KPNB1: variants seen among roughly 807,000 people sequenced by gnomAD.
KPNB1 encodes karyopherin subunit beta 1.
A neutral mutation model predicts 113.0 loss-of-function variants in KPNB1; 7 were observed. That is an observed-to-expected ratio of 0.06 (90% CI 0.04 to 0.12). The LOEUF (loss-of-function observed/expected upper bound fraction) is 0.12, where lower values mean the gene tolerates loss of function less well. Among genes scored for constraint, KPNB1 ranks in the 10% least tolerant of loss-of-function variants. The probability of loss-of-function intolerance (pLI) is 1.00; values close to 1 mark genes in which losing one functional copy is unlikely to be tolerated. For missense variants in KPNB1, 400 were observed against 1,054.8 expected, an observed-to-expected ratio of 0.38 and a Z score of 8.60; for synonymous variants, 363 against 378.6, an observed-to-expected ratio of 0.96 and a Z score of 0.48.
chr17:47,667,368 C>CAG (rs2030319300), intron 9 of KPNB1, among the ~76,000 whole-genome samples: 1 of 152,036 alleles, frequency 6.6e-6, no homozygotes, highest in South Asian at 2.1e-4. Flanking sequence ...CTCAAGTGAT[C>CAG]TGCCTGCCTT....
Position 47,680,091 on chromosome 17 carries a change from G to A in KPNB1, c.2425G>A (p.Asp809Asn). ...SFIDHIAGDE[D>N]HTDGVVACAA... ...CATTGACCACATTGCTGGAGATGAG[G>A]ATCACACAGATGGAGTAGTAGCTTG... Residue 809 changes from aspartate to asparagine, a missense_variant, in exon 20 of 22, where the codon GAT becomes AAT. Physicochemically the swap from Asp to Asn is conservative, Grantham distance 23 (BLOSUM62 1). Coordinates refer to ENST00000290158, the MANE Select transcript of KPNB1 (RefSeq NM_002265.6). 6.2e-7 allele frequency: 1 copy of A among 1,613,840 alleles called. No homozygotes were observed. Among genetic ancestry groups the A allele is most frequent in the Non-Finnish European group, 8.5e-7 (1 of 1,179,694 alleles).
At chr17:47,663,649 G>A (rs1418144398) in intron 7 of KPNB1, among the ~76,000 whole-genome samples, 1 of 152,004 alleles carries the variant, frequency 6.6e-6, no homozygotes, top group Non-Finnish European at 1.5e-5. Context: ...GGGCCAGAAA[G>A]CGAGACTCTG....
In KPNB1 at chr17:47,664,191, T is replaced by C. The variant is rs1597929117; in HGVS notation, c.819T>C (p.Asp273=). 3.1e-6 allele frequency: 5 copies of C among 1,613,120 alleles called. No individual in the cohort carries two copies. Among genetic ancestry groups the C allele is most frequent in the African/African-American group, 1.3e-5 (1 of 74,850 alleles). ...ITIEAMKSDI[D]EVALQGIEFW... is the part of the protein sequence containing the mutation. ...TCGAAGCAATGAAAAGTGACATTGATGAGGTGGCTTTACAAGGGATAGAAT... is the reference window on the plus strand; with the variant it reads ...TCGAAGCAATGAAAAGTGACATTGACGAGGTGGCTTTACAAGGGATAGAAT... The change falls in exon 8 of 22, where the codon GAT becomes GAC. Residue 273 remains aspartate (D), a synonymous_variant. Coordinates refer to ENST00000290158, the MANE Select transcript of KPNB1 (RefSeq NM_002265.6).
chr17:47,652,633 T>C (rs1915612759), intron 2 of KPNB1, 61 bp from the exon 3 acceptor site: 1 of 1,372,844 alleles, frequency 7.3e-7, no homozygotes, highest in African/African-American at 1.5e-5. Context: ...CTCTATAAAT[T>C]ATCCTCAGTT....
At position 47,674,856 on chromosome 17, in the gene KPNB1, A is replaced by T. The variant is rs369847717; in HGVS notation, c.1912+74A>T. On this transcript the variant is annotated intron_variant, in intron 15 of 21. Coordinates refer to ENST00000290158, the MANE Select transcript of KPNB1 (RefSeq NM_002265.6). The stretch of plus-strand genomic sequence containing the variant: ...ATTTCAGTGGCCTTAAATAATTGTC[A>T]CCCAGGCTGGAGTGCAGTGGCACGA... The T allele has an allele frequency of 4.5e-5, 67 of 1,486,628 alleles. No homozygotes were observed. In the African/African-American group the frequency reaches 9.1e-4, roughly 20 times the overall value. 92.1% of individuals were successfully genotyped at this position (1,486,628 alleles called of 1,614,324 possible). A position where few individuals can be genotyped will look rare whatever the true frequency, so the allele number is the denominator to read the frequency against.
At position 47,673,513 on chromosome 17, in the gene KPNB1, T is replaced by A; in HGVS notation, c.1719T>A (p.Asp573Glu). ...AGTCACATATCCAGAGCACATCCGATAGAATCCAGTTCAATGACCTTCAGT... is the reference window on the plus strand; with the variant it reads ...AGTCACATATCCAGAGCACATCCGAAAGAATCCAGTTCAATGACCTTCAGT... ...QMESHIQSTS[D>E]RIQFNDLQSL... is the part of the protein sequence containing the mutation. Residue 573 changes from aspartate (D) to glutamate (E), a missense_variant, in exon 14 of 22, where the codon GAT (aspartate) becomes GAA (glutamate). Physicochemically the swap from Asp to Glu is conservative, Grantham distance 45 (BLOSUM62 2). Transcript: ENST00000290158. 1 of 1,613,738 alleles carries A rather than the reference T, an allele frequency of 6.2e-7. No homozygotes were observed.
chr17:47,663,671 A>G (rs768573628), intron 7 of KPNB1, among the ~76,000 whole-genome samples: 5 of 151,962 alleles, frequency 3.3e-5, no homozygotes, highest in Non-Finnish European at 7.4e-5. Flanking sequence ...CTCAAAAAGA[A>G]AAAAGAAACA....
At chr17:47,661,736 G>A (rs2030103541) in intron 6 of KPNB1, among the ~76,000 whole-genome samples, 1 of 152,158 alleles carries the variant, frequency 6.6e-6, no homozygotes, top group Non-Finnish European at 1.5e-5. Context: ...GGATCACTGA[G>A]GTCAGGAGTT....
chr17:47,681,686 G>GTTTTTTTT lies in KPNB1; in HGVS notation c.*-700_*-693dup, dbSNP rs59222945. 9.2e-3 allele frequency among the ~76,000 whole-genome samples: 880 copies of GTTTTTTTT among 96,026 alleles called. 1 individual carries two copies. The highest frequency in any genetic ancestry group is 0.024 in the African/African-American group (570 of 23,306). The allele number at this position is 96,026 out of a possible 152,430, so 63.0% of individuals were successfully genotyped here. On this transcript the variant is annotated intron_variant, in intron 21 of 21. Transcript: ENST00000290158. ...GCCTCCTAAATTGCTGGAATTATAG[G>GTTTTTTTT]TTTTTTTTTTTTTTTTTTTTTTTTT...
chr17:47,682,619 TTCG>T lies in KPNB1; in HGVS notation c.*217_*219del. 1.8e-6 allele frequency: 1 copy of T among 564,700 alleles called. No individual in the cohort carries two copies. The highest frequency in any genetic ancestry group is 3.2e-6 in the Non-Finnish European group (1 of 317,140). The allele number at this position is 564,700 out of a possible 1,614,324, so 35.0% of individuals were successfully genotyped here. A position where few individuals can be genotyped will look rare whatever the true frequency, so the allele number is the denominator to read the frequency against. ...GTTAGTGAGCTAAGTAAGCACTGAC[TTCG>T]TAGAAAACCATAACATCGGCCATCT... On this transcript the variant is annotated 3_prime_UTR_variant, in exon 22 of 22. Transcript: ENST00000290158.
chr17:47,669,716 T>A lies in KPNB1; in HGVS notation c.1263T>A (p.Ser421Arg). 1 of 1,613,248 alleles carries A rather than the reference T, an allele frequency of 6.2e-7. No homozygotes were observed. The highest frequency in any genetic ancestry group is 8.5e-7 in the Non-Finnish European group (1 of 1,179,254). ...TAATAGAATTAATGAAAGACCCCAG[T>A]GTAGTTGTTCGAGATACAGCTGCAT... ...PTLIELMKDP[S>R]VVVRDTAAWT... Residue 421 changes from serine (S) to arginine (R), a missense_variant, in exon 11 of 22, where the codon AGT (serine) becomes AGA (arginine). Coordinates refer to ENST00000290158, the MANE Select transcript of KPNB1 (RefSeq NM_002265.6).
In KPNB1 at chr17:47,675,358, G is replaced by GTTT. The variant is rs1555619221; in HGVS notation, c.1912+578_1912+579insTTT. Among the ~76,000 whole-genome samples the GTTT allele has an allele frequency of 6.2e-4, 55 of 88,854 alleles. 1 individual carries two copies. The highest frequency in any genetic ancestry group is 2.0e-3 in the African/African-American group (46 of 23,304). The allele number at this position is 88,854 out of a possible 152,430, so 58.3% of individuals were successfully genotyped here. ...GTTTGCAACGGAGATTGGCAGAGGT[G>GTTT]TTGTTTTTTTTTTGTTTTTTTTTTT... is the stretch of plus-strand genomic sequence containing the variant. On this transcript the variant is annotated intron_variant, in intron 15 of 21. Coordinates refer to ENST00000290158, the MANE Select transcript of KPNB1 (RefSeq NM_002265.6).
chr17:47,669,692 A>C lies in KPNB1; in HGVS notation c.1239A>C (p.Leu413=). 6.2e-7 allele frequency: 1 copy of C among 1,603,860 alleles called. No homozygotes were observed. The highest frequency in any genetic ancestry group is 8.5e-7 in the Non-Finnish European group (1 of 1,171,238). The change falls in exon 11 of 22, where the codon CTA becomes CTC. Residue 413 remains leucine (L), a synonymous_variant. Coordinates refer to ENST00000290158, the MANE Select transcript of KPNB1 (RefSeq NM_002265.6). ...TATATTTTCAGGCTATGCCCACCCT[A>C]ATAGAATTAATGAAAGACCCCAGTG... The part of the protein sequence containing the change: ...KPLVIQAMPT[L]IELMKDPSVV...
At chr17:47,675,649 T>C (rs2030596004) in intron 15 of KPNB1, among the ~76,000 whole-genome samples, 1 of 152,050 alleles carries the variant, frequency 6.6e-6, no homozygotes, top group Non-Finnish European at 1.5e-5. Context: ...AAATGAAACA[T>C]TGAGCGAGTT....
chr17:47,661,937 T>C (rs1203863367), intron 6 of KPNB1, among the ~76,000 whole-genome samples: 5 of 152,246 alleles, frequency 3.3e-5, no homozygotes. Flanking sequence ...TCAGCTTTGC[T>C]ACTTTATTGC....
At chr17:47,681,901 C>T (rs1301834566) in intron 21 of KPNB1, among the ~76,000 whole-genome samples, 1 of 151,994 alleles carries the variant, frequency 6.6e-6, no homozygotes, top group Non-Finnish European at 1.5e-5. Context: ...GGTACAATCA[C>T]ACCTCATAGA....
intron 9 of KPNB1, among the ~76,000 whole-genome samples, chr17:47,666,394 TTGTGTGTG>T (rs140549997): frequency 1.6e-4 from 22 of 139,656 alleles, no homozygotes; most frequent in African/African-American, 4.2e-4. Context: ...GTCTTTACTT[TTGTGTGTG>T]TGTGTGTGTG....
intron 15 of KPNB1, among the ~76,000 whole-genome samples, chr17:47,675,366 T>TTG (rs1567894283): frequency 2.3e-4 from 26 of 114,262 alleles, no homozygotes; most frequent in South Asian, 2.2e-3. Flanking sequence ...GTGTTGTTTT[T>TTG]TTTTTGTTTT....
rs2029977091 is a variant in KPNB1, at chr17:47,658,536, A to G, written c.512A>G (p.Asn171Ser). The G allele has an allele frequency of 1.2e-6, 2 of 1,613,556 alleles. No homozygotes were observed. Among genetic ancestry groups the G allele is most frequent in the East Asian group, 2.2e-5 (1 of 44,864 alleles). ...IDPEQLQDKS[N>S]EILTAIIQGM... ...CCAGAGCAGCTACAAGATAAATCCA[A>G]TGAGATTCTGACTGCCATAATCCAG... Residue 171 changes from asparagine to serine, a missense_variant, in exon 5 of 22, where the codon AAT becomes AGT. Transcript: ENST00000290158.
Sources: gnomAD v4.1 joint callset for allele counts (sites outside exome capture counted in the v4.1 genomes callset) on GRCh38, gnomAD v4.1.1 for gene constraint, MANE v1.5 for transcripts, NCBI Gene and HGNC (gene_info 2026-07-23, HGNC 2026-07-21) for gene names.